LARGE1: variants seen among roughly 807,000 people sequenced by gnomAD.
LARGE1 encodes the protein LARGE xylosyl- and glucuronyltransferase 1, also known as xylosyl- and glucuronyltransferase LARGE1.
In LARGE1, 43 loss-of-function variants were observed where a neutral mutation model predicts 87.6. The ratio of observed to expected loss-of-function variants is 0.49; its 90% CI spans 0.38 to 0.63. The LOEUF (loss-of-function observed/expected upper bound fraction) is 0.63, where lower values mean the gene tolerates loss of function less well. Among genes scored for constraint, LARGE1 ranks in the 30% least tolerant of loss-of-function variants. LARGE1 has a pLI of 0.00. For synonymous variants in LARGE1, 434 were observed against 394.6 expected (o/e 1.10, Z -1.18); for missense variants, 802 against 1,000.2 (o/e 0.80, Z 2.67).
chr22:33,475,651 C>T lies in LARGE1; in HGVS notation c.788-43386G>A, dbSNP rs1372677781. 5.3e-5 allele frequency among the ~76,000 whole-genome samples: 8 copies of T among 151,680 alleles called. No individual in the cohort carries two copies. The East Asian group carries it at 5.8e-4, about 11-fold the overall frequency. ...TAATTTTTTGTATTTTTAGTAGAGA[C>T]GGGGTTTCTCCAAGTCGGTCAGAGT... On this transcript the variant is annotated intron_variant, in intron 6 of 14. Transcript: ENST00000397394.
At chr22:33,578,901 A>C (rs898014277) in intron 5 of LARGE1, among the ~76,000 whole-genome samples, 6 of 152,208 alleles carry the variant, frequency 3.9e-5, no homozygotes, top group Non-Finnish European at 7.3e-5. Flanking sequence ...ATTCCAATGC[A>C]GTTATAATAG....
At chr22:33,533,429 C>A (rs374101896) in intron 6 of LARGE1, among the ~76,000 whole-genome samples, 2 of 152,234 alleles carry the variant, frequency 1.3e-5, no homozygotes, top group South Asian at 2.1e-4. Context: ...TCTCCCCATA[C>A]GGCCCCTTGG....
At chr22:33,916,110 G>A (rs1392304561) in intron 1 of LARGE1, among the ~76,000 whole-genome samples, 2 of 151,968 alleles carry the variant, frequency 1.3e-5, no homozygotes, top group African/African-American at 4.8e-5. Flanking sequence ...GTGAAACCCC[G>A]CCTCTACTAA....
chr22:33,277,144 CACA>C lies in LARGE1; in HGVS notation c.1986_1988del (p.Val663del), dbSNP rs1239987250. 4 of 1,614,138 alleles carry C rather than the reference CACA, an allele frequency of 2.5e-6. No homozygotes were observed. Among genetic ancestry groups the C allele is most frequent in the Non-Finnish European group, 3.4e-6 (4 of 1,180,060 alleles). On this transcript the variant is annotated inframe_deletion, in exon 14 of 15. Transcript: ENST00000397394. ...GGTCGTACTCCGGGCAGTCACGTCTCACAACAACATACGGCTCAAAATCGGCCT... is the reference window on the plus strand; with the variant it reads ...GGTCGTACTCCGGGCAGTCACGTCTCACAACATACGGCTCAAAATCGGCCT...
chr22:33,364,248 G>A (rs1278734608), intron 9 of LARGE1, among the ~76,000 whole-genome samples: 17 of 152,156 alleles, frequency 1.1e-4, no homozygotes, highest in African/African-American at 3.9e-4. Flanking sequence ...TAGTAGAGAC[G>A]GGGTTTCACC....
intron 12 of LARGE1, 147 bp from the exon 13 acceptor site, chr22:33,283,495 G>T: frequency 1.2e-6 from 1 of 868,562 alleles, no homozygotes; most frequent in Non-Finnish European, 1.9e-6. Flanking sequence ...GGGAAACTGG[G>T]CCAGGTGCGA....
the LARGE1 span, among the ~76,000 whole-genome samples, chr22:33,097,815 G>C: frequency 2.6e-5 from 4 of 152,160 alleles, no homozygotes; most frequent in Non-Finnish European, 5.9e-5. Context: ...AGCTCTCTCA[G>C]GGTTGTTGAG....
At chr22:33,255,843 C>A (rs1927234284) in intron 11 of LARGE1, among the ~76,000 whole-genome samples, 1 of 152,186 alleles carries the variant, frequency 6.6e-6, no homozygotes, top group African/African-American at 2.4e-5. Context: ...TTTGAGGGTC[C>A]TGTTATCCAA....
chr22:33,446,063 A>G (rs1028248975), intron 6 of LARGE1, among the ~76,000 whole-genome samples: 2 of 152,234 alleles, frequency 1.3e-5, no homozygotes, highest in African/African-American at 4.8e-5. Flanking sequence ...CTCAACCTGC[A>G]GGGAGGCGGC....
chr22:33,208,770 G>T (rs1199784916), intron 11 of LARGE1, among the ~76,000 whole-genome samples: 1 of 152,096 alleles, frequency 6.6e-6, no homozygotes, highest in Non-Finnish European at 1.5e-5. Flanking sequence ...TCCTCCCTGT[G>T]TCCATGTGTT....
chr22:33,125,860 G>A, the LARGE1 span, among the ~76,000 whole-genome samples: 2 of 152,110 alleles, frequency 1.3e-5, no homozygotes, highest in African/African-American at 2.4e-5. Flanking sequence ...CGATTCTCGT[G>A]CCTCAGCTTC....
chr22:33,175,686 T>C (rs1274987247), intron 11 of LARGE1, among the ~76,000 whole-genome samples: 1 of 152,180 alleles, frequency 6.6e-6, no homozygotes, highest in East Asian at 1.9e-4. Flanking sequence ...CATTCCATGC[T>C]CATGGATAGG....
chr22:33,689,673 T>C (rs2082041825), intron 2 of LARGE1, among the ~76,000 whole-genome samples: 1 of 152,140 alleles, frequency 6.6e-6, no homozygotes, highest in South Asian at 2.1e-4. Flanking sequence ...ACACCTGTAA[T>C]GCCAGCACTT....
chr22:33,268,718 C>T (rs144529846), downstream of LARGE1, among the ~76,000 whole-genome samples: 1,147 of 152,008 alleles, frequency 7.5e-3, 26 homozygotes, highest in South Asian at 0.054. Flanking sequence ...TGAGCCACCG[C>T]GCCCGGCCTA....
intron 6 of LARGE1, among the ~76,000 whole-genome samples, chr22:33,514,539 CTAGG>C (rs1361934451): frequency 6.6e-6 from 1 of 151,946 alleles, no homozygotes; most frequent in Non-Finnish European, 1.5e-5. Flanking sequence ...TTACATGGTG[CTAGG>C]TATTATAAGT....
chr22:33,437,853 T>C (rs527645574), intron 6 of LARGE1, among the ~76,000 whole-genome samples: 2 of 152,302 alleles, frequency 1.3e-5, no homozygotes, highest in South Asian at 4.1e-4. Context: ...ATATTAGCAG[T>C]GACAGGGCGA....
chr22:33,516,972 G>A (rs556778950), intron 6 of LARGE1, among the ~76,000 whole-genome samples: 22 of 152,166 alleles, frequency 1.4e-4, no homozygotes, highest in Non-Finnish European at 3.1e-4. Flanking sequence ...TTTATATGTT[G>A]ACTATAGCCT....
In LARGE1 at chr22:33,304,423, C is replaced by T. The variant is rs772023877; in HGVS notation, c.1536G>A (p.Gln512=). ...ALYLSDAEAQ[Q]FLRYAQGSEV... ...CAGAGCCCTGTGCGTAGCGGAGGAACTGCTGGGCCTCGGCGTCTGACAGGT... is the reference window on the plus strand; with the variant it reads ...CAGAGCCCTGTGCGTAGCGGAGGAATTGCTGGGCCTCGGCGTCTGACAGGT... The change falls in exon 12 of 15, where the codon CAG becomes CAA. Residue 512 remains glutamine (Q), a synonymous_variant. Transcript: ENST00000397394. 6 of 1,614,236 alleles carry T rather than the reference C, an allele frequency of 3.7e-6. No individual in the cohort carries two copies. The South Asian group carries it at 6.6e-5, about 18-fold the overall frequency.
At chr22:33,135,137 G>A in the LARGE1 span, among the ~76,000 whole-genome samples, 3 of 152,218 alleles carry the variant, frequency 2.0e-5, no homozygotes, top group Non-Finnish European at 4.4e-5. Context: ...ATTCATCTTA[G>A]ACACTACCCA....
Sources: allele counts gnomAD v4.1 joint callset (sites outside exome capture counted in the v4.1 genomes callset), GRCh38; gene constraint gnomAD v4.1.1; transcripts MANE v1.5; gene names NCBI Gene and HGNC (gene_info 2026-07-23, HGNC 2026-07-21).